Variants in LRFN2 observed in about 807,000 individuals in gnomAD.
LRFN2 encodes the protein leucine-rich repeat and fibronectin type-III domain-containing protein 2.
LRFN2 carries 18 observed loss-of-function variants against 37.3 expected under a neutral mutation model. The ratio of observed to expected loss-of-function variants is 0.48; its 90% CI spans 0.33 to 0.72. LRFN2 has a LOEUF of 0.72. LRFN2 is among the 30% of genes least tolerant of loss of function. LRFN2 has a pLI of 0.02. For missense variants in LRFN2, 1,006 were observed against 1,060.7 expected (o/e 0.95, Z 0.72); for synonymous variants, 556 against 466.6 (o/e 1.19, Z -2.47).
intron 2 of LRFN2, among the ~76,000 whole-genome samples, chr6:40,399,426 CTTTTTTTTTTTCTTT>C (rs1762686749): frequency 7.4e-6 from 1 of 134,370 alleles, no homozygotes; most frequent in Admixed American, 8.1e-5. Context: ...TTTTTCTTTT[CTTTTTTTTTTTCTTT>C]TTTTTTTTTT....
At chr6:40,419,190 G>T (rs557976361) in intron 2 of LRFN2, among the ~76,000 whole-genome samples, 3 of 152,340 alleles carry the variant, frequency 2.0e-5, no homozygotes. Flanking sequence ...TTACCAGCCT[G>T]TGATACAGCA....
intron 1 of LRFN2, among the ~76,000 whole-genome samples, chr6:40,585,134 G>A (rs1435939983): frequency 1.3e-5 from 2 of 152,182 alleles, no homozygotes; most frequent in African/African-American, 4.8e-5. Context: ...CTTCTAGACA[G>A]GAGATGGAAC....
intron 1 of LRFN2, among the ~76,000 whole-genome samples, chr6:40,496,373 A>T (rs75260737): frequency 0.021 from 3,121 of 152,226 alleles, 72 homozygotes; most frequent in East Asian, 0.069. Flanking sequence ...AAAACCTTTC[A>T]GTGGTTCCCG....
chr6:40,464,181 C>G (rs1764408852), intron 1 of LRFN2, among the ~76,000 whole-genome samples: 1 of 152,180 alleles, frequency 6.6e-6, no homozygotes, highest in Non-Finnish European at 1.5e-5. Flanking sequence ...GTGAAACCCT[C>G]CAAAGCAAGG....
chr6:40,484,828 A>T (rs923335510), intron 1 of LRFN2, among the ~76,000 whole-genome samples: 3 of 152,216 alleles, frequency 2.0e-5, no homozygotes, highest in South Asian at 2.1e-4. Context: ...TACATTGAAG[A>T]GTATGTCCAG....
chr6:40,470,850 G>A (rs1764578979), intron 1 of LRFN2, among the ~76,000 whole-genome samples: 1 of 152,224 alleles, frequency 6.6e-6, no homozygotes, highest in South Asian at 2.1e-4. Flanking sequence ...GGGTGGGGAT[G>A]GAGCATAAGA....
At chr6:40,505,645 C>A (rs1242929008) in intron 1 of LRFN2, among the ~76,000 whole-genome samples, 1 of 152,192 alleles carries the variant, frequency 6.6e-6, no homozygotes. Context: ...GGGGTGGAGG[C>A]CCTGATTGAC....
At chr6:40,409,300 T>C (rs984764768) in intron 2 of LRFN2, among the ~76,000 whole-genome samples, 3 of 152,212 alleles carry the variant, frequency 2.0e-5, no homozygotes, top group Non-Finnish European at 2.9e-5. Context: ...ATTTGTGCTC[T>C]AGTGAAGAAG....
chr6:40,480,148 A>G (rs1273408850), intron 1 of LRFN2, among the ~76,000 whole-genome samples: 1 of 152,220 alleles, frequency 6.6e-6, no homozygotes, highest in Non-Finnish European at 1.5e-5. Context: ...AGCACTGGGT[A>G]TTATTATCCC....
chr6:40,565,275 G>T (rs11758006), intron 1 of LRFN2, among the ~76,000 whole-genome samples: 1 of 152,096 alleles, frequency 6.6e-6, no homozygotes, highest in African/African-American at 2.4e-5. Context: ...CTCATGGGTA[G>T]GAAGAATCAA....
intron 2 of LRFN2, among the ~76,000 whole-genome samples, chr6:40,398,239 A>G (rs1247633942): frequency 2.0e-5 from 3 of 151,890 alleles, no homozygotes; most frequent in Non-Finnish European, 4.4e-5. Flanking sequence ...ACAGTGTGAC[A>G]AGCTAAAATG....
chr6:40,498,664 A>G (rs747468388), intron 1 of LRFN2, among the ~76,000 whole-genome samples: 5 of 152,188 alleles, frequency 3.3e-5, no homozygotes, highest in African/African-American at 4.8e-5. Flanking sequence ...ACTCTGCGAC[A>G]CCCACATGGA....
At position 40,392,601 on chromosome 6, in the gene LRFN2, G is replaced by A. The variant is rs999916890; in HGVS notation, c.1712C>T (p.Ala571Val). 6.2e-7 allele frequency: 1 copy of A among 1,609,138 alleles called. No homozygotes were observed. The highest frequency in any genetic ancestry group is 8.5e-7 in the Non-Finnish European group (1 of 1,179,920). Residue 571 changes from alanine (A) to valine (V), a missense_variant, in exon 3 of 3, where the codon GCC becomes GTC. By Grantham distance (64) the Ala-to-Val change is moderately conservative (BLOSUM62 0). Coordinates refer to ENST00000338305, the MANE Select transcript of LRFN2 (RefSeq NM_020737.3). This position sits in a 1 kb window ranked among gnomAD's most constrained non-coding sequence, Gnocchi z 4.7. The stretch of plus-strand genomic sequence containing the variant: ...GGTCTGCGAGTACACATTGCTCACG[G>A]CCGCTGCCATCTTGCTGGGGGCCTC... ...NHEAPSKMAAAVSNVYSQTNG... is the reference protein window; with the variant it reads ...NHEAPSKMAAVVSNVYSQTNG...
intron 1 of LRFN2, among the ~76,000 whole-genome samples, chr6:40,435,511 G>A (rs1271219349): frequency 6.6e-6 from 1 of 150,862 alleles, no homozygotes; most frequent in East Asian, 2.0e-4. Context: ...GAGCACAGAT[G>A]CAGAAAAAAC....
At chr6:40,435,785 G>T (rs572095414) in intron 1 of LRFN2, among the ~76,000 whole-genome samples, 1 of 152,082 alleles carries the variant, frequency 6.6e-6, no homozygotes, top group Non-Finnish European at 1.5e-5. Context: ...TGATCCGCCC[G>T]TCTTGGCCTC....
At chr6:40,585,519 G>T (rs543944613) in intron 1 of LRFN2, among the ~76,000 whole-genome samples, 5 of 152,058 alleles carry the variant, frequency 3.3e-5, no homozygotes, top group African/African-American at 1.2e-4. Flanking sequence ...CTACCCTCAG[G>T]GCTCTGCTGT....
chr6:40,459,348 C>T (rs149553942), intron 1 of LRFN2, among the ~76,000 whole-genome samples: 213 of 152,306 alleles, frequency 1.4e-3, no homozygotes, highest in African/African-American at 4.5e-3. Context: ...TTGTGAGGGA[C>T]GATGTGTTCC....
intron 1 of LRFN2, among the ~76,000 whole-genome samples, chr6:40,528,047 G>A (rs181494905): frequency 1.3e-5 from 2 of 152,318 alleles, no homozygotes; most frequent in African/African-American, 4.8e-5. Flanking sequence ...ACTGCCCAAG[G>A]TCACACCGCT....
intron 1 of LRFN2, among the ~76,000 whole-genome samples, chr6:40,567,673 C>G (rs936477836): frequency 6.6e-6 from 1 of 152,200 alleles, no homozygotes; most frequent in Non-Finnish European, 1.5e-5. Context: ...TTACATTGAG[C>G]ATTGACTATG....
Sources: allele counts gnomAD v4.1 joint callset (sites outside exome capture counted in the v4.1 genomes callset), GRCh38; gene constraint gnomAD v4.1.1; non-coding constraint Gnocchi (gnomAD v3.1); transcripts MANE v1.5; gene names NCBI Gene and HGNC (gene_info 2026-07-23, HGNC 2026-07-21).